CT55: variants seen among roughly 807,000 people sequenced by gnomAD.
CT55 encodes the protein BRCA2-interacting protein.
Under a neutral mutation model 12.6 loss-of-function variants are expected in CT55, and 1 was observed. The observed-to-expected ratio is 0.08, with a 90% CI of 0.03 to 0.38. The LOEUF (loss-of-function observed/expected upper bound fraction) is 0.38, where lower values mean the gene tolerates loss of function less well. Among genes scored for constraint, CT55 ranks in the 10% least tolerant of loss-of-function variants. CT55 has a pLI of 0.99. For synonymous variants in CT55, 43 were observed against 49.7 expected (o/e 0.87, Z 0.57); for missense variants, 109 against 135.4 (o/e 0.80, Z 0.97).
intron 2 of CT55, 99 bp downstream of exon 2, chrX:135,169,495 G>A (rs2083601195): frequency 6.3e-6 from 4 of 636,447 alleles, no homozygotes; most frequent in Middle Eastern, 5.2e-4. Context: ...TCCACTCTAC[G>A]GATCACAGCA....
At chrX:135,171,021 A>G in intron 1 of CT55, 57 bp downstream of exon 1, 1 of 1,190,757 alleles carries the variant, frequency 8.4e-7, no homozygotes, top group Non-Finnish European at 1.1e-6. Context: ...GGGGGTGAGG[A>G]GAACCCCTAT....
At chrX:135,159,353 T>G (rs2083552189) in intron 3 of CT55, among the ~76,000 whole-genome samples, 2 of 111,428 alleles carry the variant, frequency 1.8e-5, no homozygotes. Flanking sequence ...ATTATCCATA[T>G]GCTTACACCA....
rs2083546998 is a variant in CT55 at position 135,158,449 on chromosome X, A to T, written c.425-138T>A. 10 of 417,903 alleles carry T rather than the reference A, an allele frequency of 2.4e-5. No homozygotes were observed. The East Asian group carries it at 3.9e-4, about 16-fold the overall frequency. The allele number at this position is 417,903 out of a possible 1,213,427, so 34.4% of individuals were successfully genotyped here. Reference sequence around the variant, plus strand: ...GTCCATTTTGTGCATATTTAAACAGACACTACAAATCTCTAAGTCCAAAAA... The same window carrying T: ...GTCCATTTTGTGCATATTTAAACAGTCACTACAAATCTCTAAGTCCAAAAA... On this transcript the variant is annotated intron_variant, in intron 3 of 5. Coordinates refer to ENST00000276241, the MANE Select transcript of CT55 (RefSeq NM_001031705.3).
chrX:135,162,223 G>C (rs781816123), intron 2 of CT55, among the ~76,000 whole-genome samples: 1 of 112,668 alleles, frequency 8.9e-6, no homozygotes, highest in Non-Finnish European at 1.9e-5. Context: ...AGCAAACCCA[G>C]GCTGGCTGTA....
chrX:135,160,782 T>G (rs2083559217), intron 2 of CT55, among the ~76,000 whole-genome samples: 1 of 111,994 alleles, frequency 8.9e-6, no homozygotes, highest in South Asian at 3.7e-4. Context: ...ATACCCAAGT[T>G]TAATGTCCTT....
chrX:135,171,029 T>C (rs782637603), intron 1 of CT55, 49 bp downstream of exon 1: 2 of 1,199,550 alleles, frequency 1.7e-6, no homozygotes, highest in Non-Finnish European at 2.3e-6. Flanking sequence ...GGAGAACCCC[T>C]ATTGGGAGGC....
rs1394193869 is a variant in CT55 at position 135,158,188 on chromosome X, A to G, written c.537+11T>C. On this transcript the variant is annotated intron_variant, in intron 4 of 5. Transcript: ENST00000276241. ...AGAAACTGCTGACGGGAGCAACAGG[A>G]AAGAAATTACCTCTTCCGTATGAAT... The G allele has an allele frequency of 8.9e-7, 1 of 1,122,006 alleles. No individual in the cohort carries two copies. The highest frequency in any genetic ancestry group is 1.2e-6 in the Non-Finnish European group (1 of 816,564). The allele number at this position is 1,122,006 out of a possible 1,213,427, so 92.5% of individuals were successfully genotyped here. A position where few individuals can be genotyped will look rare whatever the true frequency, so the allele number is the denominator to read the frequency against.
intron 3 of CT55, among the ~76,000 whole-genome samples, chrX:135,159,968 G>A (rs1427424968): frequency 3.6e-5 from 4 of 109,931 alleles, no homozygotes; most frequent in Non-Finnish European, 7.6e-5. Context: ...ACAACCACAA[G>A]GCGCTATCTC....
chrX:135,163,305 C>T (rs1556405469), intron 2 of CT55, among the ~76,000 whole-genome samples: 1 of 112,027 alleles, frequency 8.9e-6, no homozygotes, highest in East Asian at 2.8e-4. Context: ...CTCTGTGAAC[C>T]TTGAAAACAA....
rs372907302 is a variant in CT55, at chrX:135,171,203, G to A, written c.-32C>T. 302 of 1,206,804 alleles carry A rather than the reference G, an allele frequency of 2.5e-4. No homozygotes were observed. The African/African-American group carries it at 4.7e-3, about 19-fold the overall frequency. Reference sequence around the variant, plus strand: ...AGTTGTCACCACCGGCCTGGGCACCGCTTGTGGCAGATGAAGCACGAGGCC... The same window carrying A: ...AGTTGTCACCACCGGCCTGGGCACCACTTGTGGCAGATGAAGCACGAGGCC... On this transcript the variant is annotated 5_prime_UTR_variant, in exon 1 of 6. Coordinates refer to ENST00000276241, the MANE Select transcript of CT55 (RefSeq NM_001031705.3).
intron 3 of CT55, among the ~76,000 whole-genome samples, chrX:135,159,747 A>T (rs2083554341): frequency 8.9e-6 from 1 of 111,867 alleles, no homozygotes; most frequent in Admixed American, 9.5e-5. Context: ...GCAGGTCAGA[A>T]TCCTGCTTTT....
At chrX:135,160,610 A>AGT (rs1311695269) in intron 2 of CT55, 55 bp from the exon 3 acceptor site, 1 of 1,120,691 alleles carries the variant, frequency 8.9e-7, no homozygotes, top group African/African-American at 1.9e-5. Context: ...TAAACATGGA[A>AGT]CTTACATGAT....
At chrX:135,162,213 AG>A (rs2083565779) in intron 2 of CT55, among the ~76,000 whole-genome samples, 1 of 112,816 alleles carries the variant, frequency 8.9e-6, no homozygotes, top group African/African-American at 3.2e-5. Flanking sequence ...GCACATGAAA[AG>A]CAAACCCAGG....
chrX:135,166,818 T>C (rs2083587651), intron 2 of CT55, among the ~76,000 whole-genome samples: 1 of 111,258 alleles, frequency 9.0e-6, no homozygotes, highest in South Asian at 3.8e-4. Context: ...TAGGGAACTA[T>C]CTGGAAAAGA....
chrX:135,162,773 C>A (rs1159132267), intron 2 of CT55, among the ~76,000 whole-genome samples: 1 of 111,393 alleles, frequency 9.0e-6, no homozygotes, highest in Non-Finnish European at 1.9e-5. Flanking sequence ...CTAGACCCAC[C>A]CTGGCACCAG....
At chrX:135,161,881 A>G (rs1286218124) in intron 2 of CT55, among the ~76,000 whole-genome samples, 3 of 112,535 alleles carry the variant, frequency 2.7e-5, no homozygotes, top group African/African-American at 9.7e-5. Flanking sequence ...CCATCCACAT[A>G]TCTATCACCA....
At chrX:135,162,029 G>A (rs2083564884) in intron 2 of CT55, among the ~76,000 whole-genome samples, 1 of 112,560 alleles carries the variant, frequency 8.9e-6, no homozygotes, top group Admixed American at 9.4e-5. Context: ...CTTATGCCTT[G>A]CAAAGACGAC....
intron 2 of CT55, among the ~76,000 whole-genome samples, chrX:135,161,495 A>C (rs782537186): frequency 8.9e-6 from 1 of 112,454 alleles, no homozygotes; most frequent in South Asian, 3.7e-4. Context: ...TTCAGTGTTA[A>C]AGTATCACAT....
Position 135,169,632 on chromosome X carries a change from C to T in CT55, c.241G>A (p.Glu81Lys), listed in dbSNP as rs150387330. ...KVGQKVNVVV[E>K]EDKPHYGLRA... The stretch of plus-strand genomic sequence containing the variant: ...AATCCATAATGTGGTTTATCTTCTT[C>T]CACAACCACATTAACTTTTTGTCCA... The change falls in exon 2 of 6, where the codon GAA (glutamate) becomes AAA (lysine). Residue 81 changes from glutamate to lysine, a missense_variant. Glu to Lys is a moderately conservative substitution (Grantham distance 56). Transcript: ENST00000276241. 2.9e-5 allele frequency: 35 copies of T among 1,207,078 alleles called. No individual in the cohort carries two copies. In the African/African-American group the frequency reaches 6.1e-4, roughly 21 times the overall value.
Sources: allele counts gnomAD v4.1 joint callset (sites outside exome capture counted in the v4.1 genomes callset), GRCh38; gene constraint gnomAD v4.1.1; transcripts MANE v1.5; gene names NCBI Gene and HGNC (gene_info 2026-07-23, HGNC 2026-07-21).